The following ADARB2 variants were observed in gnomAD, a reference collection of about 807,000 sequenced individuals.
ADARB2 encodes the protein inactive double-stranded RNA-specific editase B2.
ADARB2 carries 25 observed loss-of-function variants against 62.2 expected under a neutral mutation model. That is an observed-to-expected ratio of 0.40 (90% confidence interval 0.29 to 0.56). The LOEUF (loss-of-function observed/expected upper bound fraction) is 0.56. Ranked by LOEUF, ADARB2 falls within the 20% of genes least tolerant of loss-of-function variation. The probability of loss-of-function intolerance (pLI) is 0.43; values close to 1 mark genes in which losing one functional copy is unlikely to be tolerated. For missense variants in ADARB2, 1,071 were observed against 1,077.4 expected (o/e 0.99, Z 0.08); for synonymous variants, 572 against 500.8 (o/e 1.14, Z -1.90).
intron 1 of ADARB2, among the ~76,000 whole-genome samples, chr10:1,582,779 A>C (rs969356362): frequency 1.1e-4 from 17 of 152,156 alleles, no homozygotes; most frequent in African/African-American, 4.1e-4. Flanking sequence ...ACAGGGAAGC[A>C]TGGTTTTCAG....
Position 1,363,283 on chromosome 10 carries a change from CG to C in ADARB2, c.821del (p.Pro274ArgfsTer10), listed in dbSNP as rs1235862970. The C allele has an allele frequency of 2.4e-6, 3 of 1,239,982 alleles. No homozygotes were observed. Among genetic ancestry groups the C allele is most frequent in the South Asian group, 3.3e-5 (1 of 30,450 alleles). 76.8% of individuals were successfully genotyped at this position (1,239,982 alleles called of 1,614,324 possible). A position where few individuals can be genotyped will look rare whatever the true frequency, so the allele number is the denominator to read the frequency against. On this transcript the variant is annotated frameshift_variant, in exon 3 of 10. Coordinates refer to ENST00000381312, the MANE Select transcript of ADARB2 (RefSeq NM_018702.4). LOFTEE classifies it high-confidence loss of function. ...GCAGCACCACGGGGTTGCGCTCGCC[CG>C]GGGCCGCGGGGGTGGCGGGGGTCGG... ...VGPTPATPAA[P>X]GERNPVVLLN... is the part of the protein sequence containing the mutation.
chr10:1,507,802 C>T (rs910457256), intron 1 of ADARB2, among the ~76,000 whole-genome samples: 4 of 152,116 alleles, frequency 2.6e-5, no homozygotes, highest in African/African-American at 7.2e-5. Context: ...GGCACGTACA[C>T]GGGGAGAACT....
intron 1 of ADARB2, among the ~76,000 whole-genome samples, chr10:1,476,943 T>G (rs1055195948): frequency 2.0e-5 from 3 of 152,086 alleles, no homozygotes; most frequent in Non-Finnish European, 4.4e-5. Flanking sequence ...CCACAGGGAC[T>G]TCCTTTCTTA....
rs1832634600 is a variant in ADARB2 at position 1,398,444 on chromosome 10, C to T, written c.101-19284G>A. Among the ~76,000 whole-genome samples the T allele has an allele frequency of 6.6e-6, 1 of 152,204 alleles. No homozygotes were observed. The stretch of plus-strand genomic sequence containing the variant: ...AGGGAGACGGGTTTCTTCCTTGGTC[C>T]TCCCACTCGCTCCTGTTTTTCAGGG... On this transcript the variant is annotated intron_variant, in intron 1 of 9. Coordinates refer to ENST00000381312, the MANE Select transcript of ADARB2 (RefSeq NM_018702.4). This position sits in a 1 kb window ranked among gnomAD's most constrained non-coding sequence, Gnocchi z 4.1.
chr10:1,503,213 T>A (rs1208436694), intron 1 of ADARB2, among the ~76,000 whole-genome samples: 1 of 152,090 alleles, frequency 6.6e-6, no homozygotes, highest in African/African-American at 2.4e-5. Flanking sequence ...GTGAAGGGAT[T>A]TTTTTGTTGT....
chr10:1,675,853 G>T, intron 1 of ADARB2: 1 of 735,852 alleles, frequency 1.4e-6, no homozygotes, highest in Non-Finnish European at 1.7e-6. Flanking sequence ...TCTGATCCCT[G>T]CAGGAGGGCA....
At chr10:1,386,816 C>T (rs577815006) in intron 1 of ADARB2, among the ~76,000 whole-genome samples, 1 of 151,962 alleles carries the variant, frequency 6.6e-6, no homozygotes, top group Admixed American at 6.5e-5. Flanking sequence ...ACCTAAGTTA[C>T]ATTTATAGAA....
In ADARB2 at chr10:1,490,699, C is replaced by T. The variant is rs530506956; in HGVS notation, c.101-111539G>A. Reference sequence around the variant, plus strand: ...TGAACTCCTGACCTCAAGTGATCTGCTCTCTTTGGCTTCCCAAAGTGCTGG... The same window carrying T: ...TGAACTCCTGACCTCAAGTGATCTGTTCTCTTTGGCTTCCCAAAGTGCTGG... On this transcript the variant is annotated intron_variant, in intron 1 of 9. Coordinates refer to ENST00000381312, the MANE Select transcript of ADARB2 (RefSeq NM_018702.4). Among the ~76,000 whole-genome samples the T allele has an allele frequency of 5.9e-5, 9 of 152,328 alleles. 1 individual carries two copies. In the South Asian group the frequency reaches 1.9e-3, roughly 32 times the overall value.
At chr10:1,232,750 G>T (rs1021283632) in intron 6 of ADARB2, among the ~76,000 whole-genome samples, 1 of 150,088 alleles carries the variant, frequency 6.7e-6, no homozygotes, top group Non-Finnish European at 1.5e-5. Context: ...AGTAGTGTAT[G>T]TGGTATGTGG....
chr10:1,445,870 T>G (rs1048778298), intron 1 of ADARB2, among the ~76,000 whole-genome samples: 1 of 152,240 alleles, frequency 6.6e-6, no homozygotes, highest in Non-Finnish European at 1.5e-5. Context: ...AAGATAGTTA[T>G]GCAATGTAAA....
At chr10:1,697,158 T>C (rs1336519420) in intron 1 of ADARB2, among the ~76,000 whole-genome samples, 1 of 152,136 alleles carries the variant, frequency 6.6e-6, no homozygotes, top group East Asian at 1.9e-4. Flanking sequence ...TGCTCGGGCC[T>C]CTGTGTGCGA....
intron 2 of ADARB2, among the ~76,000 whole-genome samples, chr10:1,374,469 G>T (rs997598320): frequency 6.6e-6 from 1 of 152,326 alleles, no homozygotes; most frequent in East Asian, 1.9e-4. Flanking sequence ...AAAGGCCAAC[G>T]CTTTATATTG....
chr10:1,446,635 T>C (rs570763483), intron 1 of ADARB2, among the ~76,000 whole-genome samples: 1 of 152,370 alleles, frequency 6.6e-6, no homozygotes, highest in East Asian at 1.9e-4. Flanking sequence ...TGTCAGTGAA[T>C]AGCTGTGCTC....
At chr10:1,551,492 C>T (rs1832621701) in intron 1 of ADARB2, among the ~76,000 whole-genome samples, 2 of 152,324 alleles carry the variant, frequency 1.3e-5, no homozygotes, top group South Asian at 4.1e-4. Context: ...GACTGCACTG[C>T]CAGGAGCAGG....
intron 1 of ADARB2, among the ~76,000 whole-genome samples, chr10:1,607,567 C>T (rs10903510): frequency 0.2 from 31,026 of 152,084 alleles, 4,087 homozygotes; most frequent in East Asian, 0.43. Flanking sequence ...CCCTATTCAC[C>T]TGCAGACATG....
intron 3 of ADARB2, among the ~76,000 whole-genome samples, chr10:1,362,318 T>G (rs1832265656): frequency 6.6e-6 from 1 of 152,256 alleles, no homozygotes; most frequent in East Asian, 1.9e-4. Context: ...TGCTTTCATT[T>G]CCCAGAAATA....
intron 1 of ADARB2, among the ~76,000 whole-genome samples, chr10:1,660,211 T>C (rs995338280): frequency 6.6e-6 from 1 of 152,272 alleles, no homozygotes; most frequent in Non-Finnish European, 1.5e-5. Flanking sequence ...TGACCGAGCC[T>C]GTGCTCACAA....
In ADARB2 at chr10:1,696,361, CAGTG is replaced by C. The variant is rs770590136; in HGVS notation, c.100+40686_100+40689del. Among the ~76,000 whole-genome samples, 17 of 152,158 alleles carry C rather than the reference CAGTG, an allele frequency of 1.1e-4. No individual in the cohort carries two copies. The South Asian group carries it at 1.7e-3, about 15-fold the overall frequency. ...TGCATTGTGTGTGCATGTGTAGAGG[CAGTG>C]AGTGAGGTCGTGACAGATTTTATAT... On this transcript the variant is annotated intron_variant, in intron 1 of 9. Coordinates refer to ENST00000381312, the MANE Select transcript of ADARB2 (RefSeq NM_018702.4).
intron 1 of ADARB2, among the ~76,000 whole-genome samples, chr10:1,662,347 C>T (rs1395262940): frequency 1.3e-5 from 2 of 152,202 alleles, no homozygotes; most frequent in Non-Finnish European, 2.9e-5. Flanking sequence ...GCCTCAGGAA[C>T]TGAATTCAGC....
Sources: allele counts gnomAD v4.1 joint callset (sites outside exome capture counted in the v4.1 genomes callset), GRCh38; gene constraint gnomAD v4.1.1; non-coding constraint Gnocchi (gnomAD v3.1); transcripts MANE v1.5; gene names NCBI Gene and HGNC (gene_info 2026-07-23, HGNC 2026-07-21).